ACOT7: variants seen among roughly 807,000 people sequenced by gnomAD.
ACOT7 encodes the protein acyl-CoA thioesterase 7, also known as cytosolic acyl coenzyme A thioester hydrolase.
ACOT7 carries 12 observed loss-of-function variants against 40.2 expected under a neutral mutation model. The ratio of observed to expected loss-of-function variants is 0.30; its 90% CI spans 0.19 to 0.48. The LOEUF is 0.48. Among genes scored for constraint, ACOT7 ranks in the 20% least tolerant of loss-of-function variants. ACOT7 has a pLI of 0.99. For synonymous variants in ACOT7, 228 were observed against 219.5 expected (o/e 1.04, Z -0.34); for missense variants, 395 against 530.8 (o/e 0.74, Z 2.51).
rs140600115 is a variant in ACOT7 at position 6,280,054 on chromosome 1, G to A, written c.1014+1048C>T. The stretch of plus-strand genomic sequence containing the variant: ...CGGATCTGCGTGGGGAGCAGACGCC[G>A]CGGGGGCAGGGGCCTCGAGAACCTC... On this transcript the variant is annotated intron_variant, in intron 8 of 8. Coordinates refer to ENST00000361521, the MANE Select transcript of ACOT7 (RefSeq NM_007274.4). Among the ~76,000 whole-genome samples, 1,193 of 152,348 alleles carry A rather than the reference G, an allele frequency of 7.8e-3. 18 individuals are homozygous for A. Among genetic ancestry groups the A allele is most frequent in the African/African-American group, 0.027 (1,137 of 41,586 alleles).
At chr1:6,335,679 T>G (rs1242715612) in intron 3 of ACOT7, among the ~76,000 whole-genome samples, 1 of 152,040 alleles carries the variant, frequency 6.6e-6, no homozygotes, top group Non-Finnish European at 1.5e-5. Flanking sequence ...GCGCTTTTCC[T>G]CCTCAATAAA....
intron 5 of ACOT7, among the ~76,000 whole-genome samples, chr1:6,321,615 C>T (rs966010363): frequency 2.6e-5 from 4 of 152,274 alleles, no homozygotes; most frequent in Non-Finnish European, 5.9e-5. Flanking sequence ...CCCGGGTTCA[C>T]GCCATTCTCC....
chr1:6,323,515 C>T (rs1314325591), intron 5 of ACOT7, among the ~76,000 whole-genome samples: 7 of 151,830 alleles, frequency 4.6e-5, no homozygotes, highest in African/African-American at 1.7e-4. Flanking sequence ...GTCAGGAGTT[C>T]GAGACCAGCT....
chr1:6,288,832 A>T lies in ACOT7; in HGVS notation c.829+6032T>A, dbSNP rs138745057. Among the ~76,000 whole-genome samples, 1 of 152,228 alleles carries T rather than the reference A, an allele frequency of 6.6e-6. No homozygotes were observed. Among genetic ancestry groups the T allele is most frequent in the Non-Finnish European group, 1.5e-5 (1 of 68,008 alleles). ...CACACACCCTTCGTGGCTGAAACTCAAAGTTATCTTCTGAACCCCTGGGCC... is the reference window on the plus strand; with the variant it reads ...CACACACCCTTCGTGGCTGAAACTCTAAGTTATCTTCTGAACCCCTGGGCC... On this transcript the variant is annotated intron_variant, in intron 7 of 8. Coordinates refer to ENST00000361521, the MANE Select transcript of ACOT7 (RefSeq NM_007274.4). The surrounding 1 kb of genome is among the most constrained non-coding windows in gnomAD (Gnocchi z 4.3).
chr1:6,341,258 C>T (rs1478104790), intron 2 of ACOT7, among the ~76,000 whole-genome samples: 5 of 151,636 alleles, frequency 3.3e-5, no homozygotes, highest in African/African-American at 1.2e-4. Flanking sequence ...TCTCCTGCCT[C>T]AGCCTCCTGA....
At chr1:6,392,010 T>C (rs956529129) in intron 1 of ACOT7, among the ~76,000 whole-genome samples, 5 of 150,998 alleles carry the variant, frequency 3.3e-5, no homozygotes, top group African/African-American at 1.2e-4. Flanking sequence ...AGAGCCAAAG[T>C]CAAAGGGGCA....
chr1:6,393,607 G>C lies in ACOT7; in HGVS notation c.-208C>G, dbSNP rs920119413. The C allele has an allele frequency of 2.7e-6, 1 of 371,550 alleles. No homozygotes were observed. The highest frequency in any genetic ancestry group is 2.1e-5 in the African/African-American group (1 of 46,686). 23.0% of individuals were successfully genotyped at this position (371,550 alleles called of 1,614,324 possible). A position where few individuals can be genotyped will look rare whatever the true frequency, so the allele number is the denominator to read the frequency against. On this transcript the variant is annotated 5_prime_UTR_variant, in exon 1 of 9. Transcript: ENST00000361521. ...GCCCAGGCAGCCGCCGCTTCCAGAA[G>C]GTTCGGTGGCGGTTGGGCCGCGCCG...
At position 6,358,788 on chromosome 1, in the gene ACOT7, C is replaced by A. The variant is rs1390230992; in HGVS notation, c.144-8922G>T. The A allele has an allele frequency of 3.1e-6, 5 of 1,598,996 alleles. No individual in the cohort carries two copies. In the South Asian group the frequency reaches 3.3e-5, roughly 11 times the overall value. On this transcript the variant is annotated intron_variant, in intron 1 of 8. Coordinates refer to ENST00000361521, the MANE Select transcript of ACOT7 (RefSeq NM_007274.4). The surrounding 1 kb of genome is among the most constrained non-coding windows in gnomAD (Gnocchi z 4.1). Reference sequence around the variant, plus strand: ...TCCCTAAACAATCCACCCACAGTGGCCCCTGCACGGCCTAGACATGCCCAT... The same window carrying A: ...TCCCTAAACAATCCACCCACAGTGGACCCTGCACGGCCTAGACATGCCCAT...
intron 8 of ACOT7, among the ~76,000 whole-genome samples, chr1:6,279,093 G>A (rs1023533115): frequency 1.3e-5 from 2 of 152,240 alleles, no homozygotes; most frequent in Non-Finnish European, 2.9e-5. Flanking sequence ...GCGGGCCCAG[G>A]TGGGAGTGGA....
chr1:6,321,515 TGA>T (rs2148424271), intron 5 of ACOT7, among the ~76,000 whole-genome samples: 1 of 152,326 alleles, frequency 6.6e-6, no homozygotes, highest in East Asian at 1.9e-4. Context: ...GACACAAGGC[TGA>T]GTCTTTTTCT....
chr1:6,351,606 G>A (rs536538854), intron 1 of ACOT7, among the ~76,000 whole-genome samples: 1 of 152,350 alleles, frequency 6.6e-6, no homozygotes, highest in East Asian at 1.9e-4. Context: ...AGCCAAGGCT[G>A]TGGGTGGGTG....
Position 6,393,505 on chromosome 1 carries a change from C to A in ACOT7, c.-106G>T. The A allele has an allele frequency of 9.5e-7, 1 of 1,053,170 alleles. No individual in the cohort carries two copies. The highest frequency in any genetic ancestry group is 1.2e-6 in the Non-Finnish European group (1 of 833,238). The allele number at this position is 1,053,170 out of a possible 1,614,324, so 65.2% of individuals were successfully genotyped here. ...GCGCCGACCCCGCCCCCGCGCCGGC[C>A]CCACCCCGAGCCCCGCCTCCCAGGC... On this transcript the variant is annotated 5_prime_UTR_variant, in exon 1 of 9. Transcript: ENST00000361521.
intron 1 of ACOT7, among the ~76,000 whole-genome samples, chr1:6,383,693 C>T (rs1642390542): frequency 6.6e-6 from 1 of 151,160 alleles, no homozygotes. Flanking sequence ...ACCCCACCTA[C>T]CCTGCATCTG....
chr1:6,329,629 T>A (rs774832583), intron 4 of ACOT7, among the ~76,000 whole-genome samples: 1 of 151,650 alleles, frequency 6.6e-6, no homozygotes, highest in Admixed American at 6.6e-5. Flanking sequence ...CCCAGCCTCC[T>A]CCCCAATGCT....
intron 2 of ACOT7, among the ~76,000 whole-genome samples, chr1:6,347,610 C>CA (rs1641466817): frequency 1.3e-5 from 2 of 151,922 alleles, no homozygotes; most frequent in African/African-American, 2.4e-5. Context: ...ACTAAAAATA[C>CA]AAAAAAATTA....
At chr1:6,324,613 C>A (rs1435070283) in intron 5 of ACOT7, among the ~76,000 whole-genome samples, 2 of 152,138 alleles carry the variant, frequency 1.3e-5, no homozygotes, top group African/African-American at 2.4e-5. Flanking sequence ...CTGCCCACAC[C>A]CCCCGGGGTC....
intron 6 of ACOT7, among the ~76,000 whole-genome samples, chr1:6,310,765 G>C (rs1200899230): frequency 1.3e-5 from 2 of 152,092 alleles, no homozygotes; most frequent in Non-Finnish European, 2.9e-5. Flanking sequence ...ACAGAGTCTT[G>C]TTCTGTCACC....
At chr1:6,302,492 G>A (rs1045767524) in intron 6 of ACOT7, among the ~76,000 whole-genome samples, 6 of 152,158 alleles carry the variant, frequency 3.9e-5, no homozygotes, top group African/African-American at 4.8e-5. Flanking sequence ...CCGAGAAGAC[G>A]GACCTGGCGA....
intron 5 of ACOT7, among the ~76,000 whole-genome samples, chr1:6,319,400 C>A (rs1042339562): frequency 6.6e-6 from 1 of 152,132 alleles, no homozygotes; most frequent in Non-Finnish European, 1.5e-5. Flanking sequence ...ACCATATTGG[C>A]CAGGCTGGTC....
Sources: allele counts gnomAD v4.1 joint callset (sites outside exome capture counted in the v4.1 genomes callset), GRCh38; gene constraint gnomAD v4.1.1; non-coding constraint Gnocchi (gnomAD v3.1); transcripts MANE v1.5; gene names NCBI Gene and HGNC (gene_info 2026-07-23, HGNC 2026-07-21).